The following NSD3 variants were observed in gnomAD, a reference collection of about 807,000 sequenced individuals.
The protein encoded by NSD3 is histone-lysine N-methyltransferase NSD3.
In NSD3, 24 loss-of-function variants were observed where a neutral mutation model predicts 160.8. The observed-to-expected ratio is 0.15, with a 90% CI of 0.11 to 0.21. The LOEUF (loss-of-function observed/expected upper bound fraction) is 0.21, where lower values mean the gene tolerates loss of function less well. NSD3 is among the 10% of genes least tolerant of loss of function. The probability of loss-of-function intolerance (pLI) is 1.00; values close to 1 mark genes in which losing one functional copy is unlikely to be tolerated. For missense variants in NSD3, 1,157 were observed against 1,735.9 expected, an observed-to-expected ratio of 0.67 and a Z score of 5.93; for synonymous variants, 520 against 600.0, an observed-to-expected ratio of 0.87 and a Z score of 1.95.
chr8:38,288,543 T>C lies in NSD3; in HGVS notation c.3445A>G (p.Ile1149Val), dbSNP rs1808919250. The C allele has an allele frequency of 6.2e-7, 1 of 1,614,174 alleles. No homozygotes were observed. The highest frequency in any genetic ancestry group is 2.2e-5 in the East Asian group (1 of 44,880). ...CAGCCTCTCCGCTCCGTTTTGATGA[T>C]CTCTGCATCAGGGTATAGTCTCTTT... ...FTKRLYPDAE[I>V]IKTERRGWGL... is the part of the protein sequence containing the mutation. The change falls in exon 19 of 24, where the codon ATC (isoleucine) becomes GTC (valine). Residue 1149 changes from isoleucine to valine, a missense_variant. Physicochemically the swap from Ile to Val is conservative, Grantham distance 29. This residue lies in a region of NSD3 where 222 missense variants were observed against 409.9 expected (regional missense o/e 0.54). Coordinates refer to ENST00000317025, the MANE Select transcript of NSD3 (RefSeq NM_023034.2). This position sits in a 1 kb window ranked among gnomAD's most constrained non-coding sequence, Gnocchi z 4.5.
At position 38,329,631 on chromosome 8, in the gene NSD3, G is replaced by A. The variant is rs779980125; in HGVS notation, c.1328C>T (p.Ser443Leu). ...GCTATGTCTCCGAATTTCAGTACTT[G>A]AGAGTGAGGAGGCCACCTCCCCTGC... is the stretch of plus-strand genomic sequence containing the variant. ...TNAGEVASSL[S>L]STEIRRHSQR... The change falls in exon 6 of 24, where the codon TCA becomes TTA. Residue 443 changes from serine (S) to leucine (L), a missense_variant. By Grantham distance (145) the Ser-to-Leu change is moderately radical (BLOSUM62 -2). Around this residue, in one of 10 missense-constraint regions of NSD3, gnomAD observed 168 missense variants for 208.1 expected, o/e 0.81. Coordinates refer to ENST00000317025, the MANE Select transcript of NSD3 (RefSeq NM_023034.2). The surrounding 1 kb of genome is among the most constrained non-coding windows in gnomAD (Gnocchi z 4.8). 5.6e-6 allele frequency: 9 copies of A among 1,614,252 alleles called. No individual in the cohort carries two copies. The Admixed American group carries it at 1.5e-4, about 27-fold the overall frequency.
chr8:38,376,130 G>A (rs1017635084), intron 1 of NSD3, among the ~76,000 whole-genome samples: 5 of 151,900 alleles, frequency 3.3e-5, no homozygotes, highest in African/African-American at 4.8e-5. Flanking sequence ...AGACCATGAT[G>A]GACCTCTAAT....
rs1190131999 is a variant in NSD3 at position 38,316,434 on chromosome 8, T to G, written c.1856-392A>C. 2.9e-6 allele frequency: 3 copies of G among 1,044,690 alleles called. No homozygotes were observed. The highest frequency in any genetic ancestry group is 3.5e-6 in the Non-Finnish European group (3 of 865,984). The allele number at this position is 1,044,690 out of a possible 1,614,324, so 64.7% of individuals were successfully genotyped here. On this transcript the variant is annotated intron_variant, in intron 9 of 23. Transcript: ENST00000317025. The surrounding 1 kb of genome is among the most constrained non-coding windows in gnomAD (Gnocchi z 4.5). ...ACACTGTGTAGCTTACAAATATGGT[T>G]GCAGAGACATCTCCATCTTGTTTTT...
At chr8:38,374,464 T>C (rs1382397446) in intron 1 of NSD3, among the ~76,000 whole-genome samples, 1 of 151,906 alleles carries the variant, frequency 6.6e-6, no homozygotes, top group Admixed American at 6.6e-5. Context: ...TTGTTTTAAG[T>C]AATCATACAG....
In NSD3 at chr8:38,321,124, T is replaced by A; in HGVS notation, c.1757A>T (p.Glu586Val). 6.2e-7 allele frequency: 1 copy of A among 1,613,492 alleles called. No individual in the cohort carries two copies. Among genetic ancestry groups the A allele is most frequent in the Non-Finnish European group, 8.5e-7 (1 of 1,179,892 alleles). Residue 586 changes from glutamate (E) to valine (V), a missense_variant, in exon 8 of 24, where the codon GAA becomes GTA. Transcript: ENST00000317025. This position sits in a 1 kb window ranked among gnomAD's most constrained non-coding sequence, Gnocchi z 4.7. ...CACAACCTCAGTGGATTTCTCTGAT[T>A]CAGAACGAGTTCTAATTGATCTTCT... ...QQRRSIRTRSESEKSTEVVPK... is the reference protein window; with the variant it reads ...QQRRSIRTRSVSEKSTEVVPK...
At chr8:38,300,960 T>C (rs921752540) in intron 14 of NSD3, among the ~76,000 whole-genome samples, 6 of 152,124 alleles carry the variant, frequency 3.9e-5, no homozygotes, top group African/African-American at 1.4e-4. Context: ...ACTAACAATA[T>C]GACAATCTTC....
In NSD3 at chr8:38,328,903, G is replaced by T. The variant is rs182326824; in HGVS notation, c.1581+475C>A. Among the ~76,000 whole-genome samples the T allele has an allele frequency of 3.9e-5, 6 of 152,320 alleles. No homozygotes were observed. The East Asian group carries it at 1.2e-3, about 29-fold the overall frequency. ...AACACAGTTCTGGGATTCTCTGAAAGGCAGTTAGATATCGCAAGCCCATAA... is the reference window on the plus strand; with the variant it reads ...AACACAGTTCTGGGATTCTCTGAAATGCAGTTAGATATCGCAAGCCCATAA... On this transcript the variant is annotated intron_variant, in intron 6 of 23. Transcript: ENST00000317025.
At position 38,297,413 on chromosome 8, in the gene NSD3, T is replaced by C. The variant is rs564437209; in HGVS notation, c.2759-1461A>G. On this transcript the variant is annotated intron_variant, in intron 15 of 23. Coordinates refer to ENST00000317025, the MANE Select transcript of NSD3 (RefSeq NM_023034.2). ...AAAGACAAATATTTATTGAAAAAAA[T>C]TGATCTTTTCATTGGAAAATCAGGT... Among the ~76,000 whole-genome samples, 11 of 152,264 alleles carry C rather than the reference T, an allele frequency of 7.2e-5. No homozygotes were observed. In the East Asian group the frequency reaches 1.7e-3, roughly 24 times the overall value.
At chr8:38,282,305 C>T (rs906361483) in intron 19 of NSD3, among the ~76,000 whole-genome samples, 2 of 152,188 alleles carry the variant, frequency 1.3e-5, no homozygotes, top group Non-Finnish European at 2.9e-5. Flanking sequence ...CAATCACACC[C>T]CTCCTCCACT....
At chr8:38,300,276 C>T (rs1351320454) in intron 14 of NSD3, among the ~76,000 whole-genome samples, 1 of 152,126 alleles carries the variant, frequency 6.6e-6, no homozygotes, top group Non-Finnish European at 1.5e-5. Flanking sequence ...ATCCTCTGGC[C>T]TCAGCCTCCC....
At chr8:38,367,921 T>C (rs773119498) in intron 1 of NSD3, among the ~76,000 whole-genome samples, 2 of 152,166 alleles carry the variant, frequency 1.3e-5, no homozygotes, top group African/African-American at 2.4e-5. Flanking sequence ...GTTAGAGAAG[T>C]TGTATGTTTT....
chr8:38,304,252 T>C (rs1809343863), intron 14 of NSD3, among the ~76,000 whole-genome samples: 1 of 152,220 alleles, frequency 6.6e-6, no homozygotes, highest in African/African-American at 2.4e-5. Context: ...AGGATCTACT[T>C]TGAATAGAAG....
At position 38,337,387 on chromosome 8, in the gene NSD3, G is replaced by A. The variant is rs1360164276; in HGVS notation, c.828C>T (p.Ser276=). The A allele has an allele frequency of 1.2e-6, 2 of 1,612,756 alleles. No individual in the cohort carries two copies. ...VKFQVGDLVW[S]KVGTYPWWPC... is the part of the protein sequence containing the mutation. ...GCCACCAAGGATAGGTTCCCACCTT[G>A]GACCACACAAGATCGCCAACCTGAA... The change falls in exon 4 of 24, where the codon TCC becomes TCT. Residue 276 remains serine (S), a synonymous_variant. Coordinates refer to ENST00000317025, the MANE Select transcript of NSD3 (RefSeq NM_023034.2).
intron 16 of NSD3, 105 bp downstream of exon 16, chr8:38,295,691 G>T (rs1809118615): frequency 9.6e-7 from 1 of 1,044,422 alleles, no homozygotes; most frequent in Non-Finnish European, 1.4e-6. Context: ...AAGGAAGTAG[G>T]TCCATGCTGT....
At chr8:38,305,215 A>C (rs746291266) in intron 13 of NSD3, 33 bp downstream of exon 13, 4 of 1,607,386 alleles carry the variant, frequency 2.5e-6, no homozygotes, top group Non-Finnish European at 3.4e-6. Flanking sequence ...CCCTTAAAAC[A>C]AAAATCTTTG....
In NSD3 at chr8:38,310,524, T is replaced by A. The variant is rs1809507889; in HGVS notation, c.2242+4123A>T. 2.0e-5 allele frequency among the ~76,000 whole-genome samples: 3 copies of A among 152,224 alleles called. No individual in the cohort carries two copies. In the South Asian group the frequency reaches 6.2e-4, roughly 32 times the overall value. ...ATATCTGTTGGAGTCCTTTTTTTTT[T>A]GAGAGAGAGTCTCACTCTGGTTGCC... On this transcript the variant is annotated intron_variant, in intron 12 of 23. Coordinates refer to ENST00000317025, the MANE Select transcript of NSD3 (RefSeq NM_023034.2).
chr8:38,332,606 T>G (rs1810090846), intron 4 of NSD3, among the ~76,000 whole-genome samples: 1 of 152,208 alleles, frequency 6.6e-6, no homozygotes, highest in Non-Finnish European at 1.5e-5. Flanking sequence ...CAAGCCAGTC[T>G]GGGACAAAAG....
intron 12 of NSD3, among the ~76,000 whole-genome samples, chr8:38,307,217 C>T (rs1216466035): frequency 2.0e-5 from 3 of 151,822 alleles, no homozygotes; most frequent in African/African-American, 7.3e-5. Context: ...CAGAGTCTCG[C>T]TCTGTCACCC....
At chr8:38,378,705 C>A (rs570540832) in intron 1 of NSD3, among the ~76,000 whole-genome samples, 1 of 151,938 alleles carries the variant, frequency 6.6e-6, no homozygotes, top group East Asian at 1.9e-4. Context: ...TGCCTGTAAT[C>A]CCAGCTACTC....
Sources: gnomAD v4.1 joint callset for allele counts (sites outside exome capture counted in the v4.1 genomes callset) on GRCh38, gnomAD v4.1.1 for gene constraint, gnomAD v4.1.1 regional missense constraint, Gnocchi (gnomAD v3.1) non-coding constraint, MANE v1.5 for transcripts, NCBI Gene and HGNC (gene_info 2026-07-23, HGNC 2026-07-21) for gene names.